Variants in SLC2A9 observed in about 807,000 individuals in gnomAD.
SLC2A9 encodes solute carrier family 2 member 9.
Under a neutral mutation model 50.6 loss-of-function variants are expected in SLC2A9, and 39 were observed. The ratio of observed to expected loss-of-function variants is 0.77; its 90% CI spans 0.60 to 1.01. The LOEUF is 1.01. SLC2A9 is among the 50% of genes least tolerant of loss of function. The pLI is 0.00. For missense variants in SLC2A9, 686 were observed against 677.6 expected (o/e 1.01, Z -0.14); for synonymous variants, 324 against 276.9 (o/e 1.17, Z -1.69).
At chr4:9,823,056 C>T (rs971422711), downstream of SLC2A9, among the ~76,000 whole-genome samples, 11 of 152,156 alleles carry the variant, frequency 7.2e-5, no homozygotes, top group Admixed American at 1.3e-4. Flanking sequence ...GTTTTCATTA[C>T]GATTCTGCCC....
intron 5 of SLC2A9, among the ~76,000 whole-genome samples, chr4:9,948,992 C>A (rs1749709495): frequency 6.6e-6 from 1 of 152,182 alleles, no homozygotes; most frequent in Admixed American, 6.5e-5. Flanking sequence ...TGTGTACTTC[C>A]CTGTAAAATA....
At chr4:10,025,136 C>T (rs1410383351), upstream of SLC2A9, among the ~76,000 whole-genome samples, 8 of 150,156 alleles carry the variant, frequency 5.3e-5, no homozygotes, top group Admixed American at 5.3e-4. Flanking sequence ...TGATCTCTGT[C>T]CTACCAAATA....
intron 3 of SLC2A9, among the ~76,000 whole-genome samples, chr4:9,816,174 CATAAATAA>C (rs34640947): frequency 6.7e-5 from 10 of 149,056 alleles, no homozygotes; most frequent in South Asian, 2.1e-4. Context: ...TGTCTCAAAA[CATAAATAA>C]ATAAATAAAT....
chr4:10,011,862 T>G (rs1290320158), intron 2 of SLC2A9, among the ~76,000 whole-genome samples: 2 of 152,206 alleles, frequency 1.3e-5, no homozygotes, highest in East Asian at 3.8e-4. Context: ...AGGCTGTGGA[T>G]TAATTATTCA....
chr4:9,952,271 T>A (rs918147832), intron 5 of SLC2A9, among the ~76,000 whole-genome samples: 12 of 152,258 alleles, frequency 7.9e-5, no homozygotes, highest in Non-Finnish European at 1.5e-4. Flanking sequence ...TGGGGCTTGG[T>A]GGAAGGTGTT....
At chr4:9,940,089 T>C (rs971553749) in intron 6 of SLC2A9, among the ~76,000 whole-genome samples, 37 of 152,330 alleles carry the variant, frequency 2.4e-4, no homozygotes, top group Non-Finnish European at 3.5e-4. Context: ...CTGTACTTAA[T>C]TGAAGCATTT....
rs79888997 is a variant in SLC2A9, at chr4:9,816,543, T to C, written n.420+9877A>G. Among the ~76,000 whole-genome samples the C allele has an allele frequency of 8.7e-3, 1,320 of 152,172 alleles. 34 individuals carry two copies. The highest frequency in any genetic ancestry group is 0.08 in the East Asian group (416 of 5,174). On this transcript the variant is annotated intron_variant and non_coding_transcript_variant, in intron 3 of 3. Transcript: ENST00000503280. ...AGATTTTAAGTGTTCTCACCACACA[T>C]AAAAAGAAAGGAAAATGGTAAATAC...
At chr4:9,899,288 A>G (rs986442102) in intron 8 of SLC2A9, among the ~76,000 whole-genome samples, 1 of 152,202 alleles carries the variant, frequency 6.6e-6, no homozygotes, top group African/African-American at 2.4e-5. Context: ...TTAGCTGCAA[A>G]AGGATGGGAG....
Position 9,826,611 on chromosome 4 carries a change from G to T in SLC2A9, c.1420-11C>A, listed in dbSNP as rs752336361. ...GGTGTCCAGACTTTTCTGTGGAAAG[G>T]CAGAGACAAAAACCCTCAAATAGAT... is the stretch of plus-strand genomic sequence containing the variant. On this transcript the variant is annotated splice_polypyrimidine_tract_variant and intron_variant, in intron 11 of 11. Coordinates refer to ENST00000264784, the MANE Select transcript of SLC2A9 (RefSeq NM_020041.3). The T allele has an allele frequency of 5.6e-6, 9 of 1,613,084 alleles. 1 individual carries two copies. In the South Asian group the frequency reaches 9.9e-5, roughly 18 times the overall value.
intron 10 of SLC2A9, among the ~76,000 whole-genome samples, chr4:9,859,635 C>T (rs138962184): frequency 3.3e-5 from 5 of 152,316 alleles, no homozygotes; most frequent in Admixed American, 2.6e-4. Context: ...GCTTTAAGCA[C>T]TCTGTGCACA....
At chr4:9,995,712 T>C (rs1187534033) in intron 3 of SLC2A9, 1 of 152,266 alleles carries the variant, frequency 6.6e-6, no homozygotes, top group African/African-American at 2.4e-5. Context: ...CTACAACTCA[T>C]GGCCATTCTC....
Position 9,848,699 on chromosome 4 carries a change from C to CTTT in SLC2A9, c.1292-13694_1292-13692dup, listed in dbSNP as rs147201182. ...GATCTTTTAAGGATGAGTGGAAATT[C>CTTT]TTTTTTTTTTTTTTTTTGGAGACCG... On this transcript the variant is annotated intron_variant, in intron 10 of 11. Transcript: ENST00000264784. Among the ~76,000 whole-genome samples the CTTT allele has an allele frequency of 5.6e-4, 73 of 130,882 alleles. 2 individuals carry two copies. The highest frequency in any genetic ancestry group is 1.9e-3 in the African/African-American group (67 of 34,784). The allele number at this position is 130,882 out of a possible 152,430, so 85.9% of individuals were successfully genotyped here. A position where few individuals can be genotyped will look rare whatever the true frequency, so the allele number is the denominator to read the frequency against.
chr4:9,883,272 C>A (rs1183911815), intron 10 of SLC2A9, among the ~76,000 whole-genome samples: 1 of 152,094 alleles, frequency 6.6e-6, no homozygotes, highest in East Asian at 1.9e-4. Flanking sequence ...AAAGTTATTA[C>A]CAGAGACTGG....
At chr4:9,956,476 T>C (rs1751310928) in intron 5 of SLC2A9, among the ~76,000 whole-genome samples, 3 of 151,618 alleles carry the variant, frequency 2.0e-5, no homozygotes, top group Admixed American at 2.0e-4. Flanking sequence ...CAAGACTCCA[T>C]CTCAAAAAAC....
At chr4:9,834,250 T>C (rs994413600) in intron 11 of SLC2A9, among the ~76,000 whole-genome samples, 3 of 152,186 alleles carry the variant, frequency 2.0e-5, no homozygotes, top group Non-Finnish European at 4.4e-5. Flanking sequence ...TGTTTCCCCG[T>C]TCAGCTCCAG....
intron 2 of SLC2A9, among the ~76,000 whole-genome samples, chr4:10,010,599 T>C (rs940258079): frequency 6.6e-6 from 1 of 152,190 alleles, no homozygotes; most frequent in African/African-American, 2.4e-5. Flanking sequence ...GGTACTTTGA[T>C]AGACGCCAGG....
chr4:10,016,554 G>A (rs13151113), intron 2 of SLC2A9, among the ~76,000 whole-genome samples: 7,128 of 152,082 alleles, frequency 0.047, 528 homozygotes, highest in East Asian at 0.39. Context: ...TGGCTGTGTA[G>A]ATCTTCAGAA....
downstream of SLC2A9, among the ~76,000 whole-genome samples, chr4:9,776,333 T>C (rs547293187): frequency 1.3e-5 from 2 of 151,916 alleles, no homozygotes; most frequent in East Asian, 3.9e-4. Context: ...GTTCCGCAGG[T>C]CTTGGTGCTG....
At chr4:10,012,753 C>T (rs984608634) in intron 2 of SLC2A9, among the ~76,000 whole-genome samples, 4 of 151,696 alleles carry the variant, frequency 2.6e-5, no homozygotes, top group Non-Finnish European at 5.9e-5. Flanking sequence ...TTCCAGCGTG[C>T]GGTGTGTTTG....
Sources: allele counts gnomAD v4.1 joint callset (sites outside exome capture counted in the v4.1 genomes callset), GRCh38; gene constraint gnomAD v4.1.1; transcripts MANE v1.5; gene names NCBI Gene and HGNC (gene_info 2026-07-23, HGNC 2026-07-21).